The following SSBP2 variants were observed in gnomAD, a reference collection of about 807,000 sequenced individuals.
SSBP2 encodes single stranded DNA binding protein 2.
In SSBP2, 17 loss-of-function variants were observed where a neutral mutation model predicts 61.8. That is an observed-to-expected ratio of 0.28 (90% CI 0.19 to 0.41). The LOEUF (loss-of-function observed/expected upper bound fraction) is 0.41, where lower values mean the gene tolerates loss of function less well. Among genes scored for constraint, SSBP2 ranks in the 10% least tolerant of loss-of-function variants. The pLI is 1.00. For synonymous variants in SSBP2, 139 were observed against 141.3 expected, an observed-to-expected ratio of 0.98 and a Z score of 0.12; for missense variants, 310 against 458.7, an observed-to-expected ratio of 0.68 and a Z score of 2.96.
chr5:81,591,217 T>C (rs1775475485), intron 4 of SSBP2, among the ~76,000 whole-genome samples: 1 of 152,166 alleles, frequency 6.6e-6, no homozygotes, highest in Non-Finnish European at 1.5e-5. Context: ...TGTGGTACAC[T>C]GATATCAGAG....
intron 4 of SSBP2, among the ~76,000 whole-genome samples, chr5:81,553,171 A>G (rs1249634023): frequency 1.3e-5 from 2 of 152,206 alleles, no homozygotes; most frequent in Non-Finnish European, 2.9e-5. Flanking sequence ...ACCTTCCTCA[A>G]TATGGATTGT....
intron 4 of SSBP2, among the ~76,000 whole-genome samples, chr5:81,517,857 CTTATTT>C (rs202181186): frequency 0.04 from 6,108 of 151,988 alleles, 181 homozygotes; most frequent in African/African-American, 0.08. Context: ...TAAAAACCTT[CTTATTT>C]TTAAATTTAG....
intron 1 of SSBP2, among the ~76,000 whole-genome samples, chr5:81,693,290 A>G (rs965609121): frequency 2.0e-5 from 3 of 152,050 alleles, no homozygotes; most frequent in African/African-American, 7.2e-5. Context: ...GGAATACCCT[A>G]CAAGCACAAG....
At chr5:81,712,738 T>G (rs1438019593) in intron 1 of SSBP2, among the ~76,000 whole-genome samples, 6 of 148,820 alleles carry the variant, frequency 4.0e-5, no homozygotes, top group African/African-American at 1.0e-4. Flanking sequence ...GTTTTTTTTT[T>G]TTTGTTTTTT....
intron 4 of SSBP2, among the ~76,000 whole-genome samples, chr5:81,605,294 G>A (rs1053497212): frequency 6.6e-6 from 1 of 152,020 alleles, no homozygotes; most frequent in African/African-American, 2.4e-5. Context: ...AATATTTAAT[G>A]ACATGATAAA....
intron 1 of SSBP2, among the ~76,000 whole-genome samples, chr5:81,658,365 A>G (rs1750406666): frequency 6.6e-6 from 1 of 152,094 alleles, no homozygotes; most frequent in Non-Finnish European, 1.5e-5. Flanking sequence ...AGCATCCCCC[A>G]GTATCCACGG....
chr5:81,723,671 G>A (rs1209338241), intron 1 of SSBP2, among the ~76,000 whole-genome samples: 1 of 151,924 alleles, frequency 6.6e-6, no homozygotes, highest in African/African-American at 2.4e-5. Flanking sequence ...CCTGATTTCT[G>A]AGTCATCATT....
intron 1 of SSBP2, among the ~76,000 whole-genome samples, chr5:81,703,895 T>C (rs1348946514): frequency 1.3e-5 from 2 of 152,224 alleles, no homozygotes; most frequent in Non-Finnish European, 2.9e-5. Flanking sequence ...TATTTTGTTT[T>C]ATAGTAAATA....
chr5:81,457,345 T>C (rs1347015838), intron 10 of SSBP2, among the ~76,000 whole-genome samples: 1 of 152,254 alleles, frequency 6.6e-6, no homozygotes, highest in African/African-American at 2.4e-5. Context: ...AACTCTGTTA[T>C]AGTTAGCTAA....
chr5:81,734,693 C>A (rs1324393414), intron 1 of SSBP2, among the ~76,000 whole-genome samples: 1 of 152,054 alleles, frequency 6.6e-6, no homozygotes, highest in Non-Finnish European at 1.5e-5. Flanking sequence ...TCAAGTTGGC[C>A]GGGCGCGGTG....
chr5:81,751,261 C>T, upstream of SSBP2: 1 of 586,762 alleles, frequency 1.7e-6, no homozygotes, highest in South Asian at 2.0e-5. Flanking sequence ...GCCTCAGCGG[C>T]AGTCTCCTCC....
At chr5:81,709,345 C>G (rs538916752) in intron 1 of SSBP2, among the ~76,000 whole-genome samples, 2 of 152,024 alleles carry the variant, frequency 1.3e-5, no homozygotes, top group East Asian at 1.9e-4. Context: ...TTTCCATTTT[C>G]TTCTGATCTC....
rs566717840 is a variant in SSBP2 at position 81,705,253 on chromosome 5, TC to T, written c.62+45727del. On this transcript the variant is annotated intron_variant, in intron 1 of 16. Coordinates refer to ENST00000320672, the MANE Select transcript of SSBP2 (RefSeq NM_012446.5). ...CTTGAAAATATGTTTAACAAATTTTTCTATACTCCTCTTATTAATCTGCAAA... is the reference window on the plus strand; with the variant it reads ...CTTGAAAATATGTTTAACAAATTTTTTATACTCCTCTTATTAATCTGCAAA... Among the ~76,000 whole-genome samples the T allele has an allele frequency of 1.9e-3, 285 of 152,286 alleles. 2 individuals are homozygous for T. The highest frequency in any genetic ancestry group is 6.7e-3 in the African/African-American group (279 of 41,572).
chr5:81,681,762 G>C (rs1752404904), intron 1 of SSBP2, among the ~76,000 whole-genome samples: 1 of 151,980 alleles, frequency 6.6e-6, no homozygotes, highest in Non-Finnish European at 1.5e-5. Context: ...AACCAACAGA[G>C]AAAATCAACA....
rs958567822 is a variant in SSBP2 at position 81,566,737 on chromosome 5, G to A, written c.282+48736C>T. On this transcript the variant is annotated intron_variant, in intron 4 of 16. Transcript: ENST00000320672. Reference sequence around the variant, plus strand: ...AAAATTTAGAACTTCATAGAGACTTGCTGAATAGGTTTGACAAAAATGCTT... The same window carrying A: ...AAAATTTAGAACTTCATAGAGACTTACTGAATAGGTTTGACAAAAATGCTT... 4.2e-4 allele frequency among the ~76,000 whole-genome samples: 64 copies of A among 152,204 alleles called. 1 individual carries two copies. The highest frequency in any genetic ancestry group is 1.4e-3 in the African/African-American group (60 of 41,448).
intron 9 of SSBP2, among the ~76,000 whole-genome samples, chr5:81,462,490 T>C (rs958744685): frequency 5.3e-5 from 8 of 152,174 alleles, no homozygotes; most frequent in Non-Finnish European, 1.2e-4. Context: ...GCTTGAGGTA[T>C]AGAAGATACC....
chr5:81,520,048 T>C lies in SSBP2; in HGVS notation c.283-6331A>G, dbSNP rs200364227. Reference sequence around the variant, plus strand: ...TGCCCAGGCTGGAGTGCAGTGGTGCTGTCTTGGCTCACTGTAACCTCTGCC... The same window carrying C: ...TGCCCAGGCTGGAGTGCAGTGGTGCCGTCTTGGCTCACTGTAACCTCTGCC... On this transcript the variant is annotated intron_variant, in intron 4 of 16. Coordinates refer to ENST00000320672, the MANE Select transcript of SSBP2 (RefSeq NM_012446.5). Among the ~76,000 whole-genome samples the C allele has an allele frequency of 1.3e-4, 20 of 151,668 alleles. 2 individuals are homozygous for C. In the East Asian group the frequency reaches 3.9e-3, roughly 30 times the overall value.
In SSBP2 at chr5:81,602,878, A is replaced by G. The variant is rs555527328; in HGVS notation, c.282+12595T>C. ...ACAAAATTTGCTACCACTAGATAAC[A>G]GAGATCTTCTTACTTCCGTATCAAA... On this transcript the variant is annotated intron_variant, in intron 4 of 16. Transcript: ENST00000320672. Among the ~76,000 whole-genome samples, 13 of 152,208 alleles carry G rather than the reference A, an allele frequency of 8.5e-5. No individual in the cohort carries two copies. The South Asian group carries it at 2.7e-3, about 32-fold the overall frequency.
At chr5:81,446,129 T>C (rs1215454342) in intron 12 of SSBP2, among the ~76,000 whole-genome samples, 2 of 152,198 alleles carry the variant, frequency 1.3e-5, no homozygotes, top group African/African-American at 4.8e-5. Context: ...ATCTCTGTCA[T>C]TTCTAGTATT....
Sources: allele counts gnomAD v4.1 joint callset (sites outside exome capture counted in the v4.1 genomes callset), GRCh38; gene constraint gnomAD v4.1.1; transcripts MANE v1.5; gene names NCBI Gene and HGNC (gene_info 2026-07-23, HGNC 2026-07-21).